SEC31B: variants seen among roughly 807,000 people sequenced by gnomAD.
SEC31B encodes protein transport protein Sec31B.
In SEC31B, 113 loss-of-function variants were observed where a neutral mutation model predicts 135.0. The ratio of observed to expected loss-of-function variants is 0.84; its 90% confidence interval spans 0.72 to 0.98. The LOEUF (loss-of-function observed/expected upper bound fraction) is 0.98, where lower values mean the gene tolerates loss of function less well. SEC31B is among the 50% of genes least tolerant of loss of function. The pLI is 0.00. For synonymous variants in SEC31B, 508 were observed against 549.4 expected, an observed-to-expected ratio of 0.92 and a Z score of 1.05; for missense variants, 1,296 against 1,421.1, an observed-to-expected ratio of 0.91 and a Z score of 1.42.
Position 100,509,416 on chromosome 10 carries a change from T to C in SEC31B, c.299A>G (p.Tyr100Cys), listed in dbSNP as rs7074707. 2,356 of 1,614,128 alleles carry C rather than the reference T, an allele frequency of 1.5e-3. 34 individuals carry two copies. The African/African-American group carries it at 0.026, about 18-fold the overall frequency. ...GGGDNGMLILYNVTHILSSGK... is the reference protein window; with the variant it reads ...GGGDNGMLILCNVTHILSSGK... ...CGAAGACAGGATGTGGGTCACATTG[T>C]ATAGAATAAGCATGCCATTGTCCCC... Residue 100 changes from tyrosine to cysteine, a missense_variant, in exon 4 of 26, where the codon TAC becomes TGC. By Grantham distance (194) the Tyr-to-Cys change is radical. Coordinates refer to ENST00000370345, the MANE Select transcript of SEC31B (RefSeq NM_015490.4).
In SEC31B at chr10:100,496,274, G is replaced by A. The variant is rs765043142; in HGVS notation, c.2294C>T (p.Pro765Leu). 7.4e-6 allele frequency: 12 copies of A among 1,614,130 alleles called. No individual in the cohort carries two copies. The highest frequency in any genetic ancestry group is 1.0e-5 in the Non-Finnish European group (12 of 1,179,988). ...GSLATAMSFL[P>L]RDCAQPPVQQ... Reference sequence around the variant, plus strand: ...CCCACTTACCTGAGCACAGTCCCTGGGTAGAAAGCTCATGGCAGTGGCCAG... The same window carrying A: ...CCCACTTACCTGAGCACAGTCCCTGAGTAGAAAGCTCATGGCAGTGGCCAG... The change falls in exon 18 of 26, where the codon CCC (proline) becomes CTC (leucine). Residue 765 changes from proline to leucine, a missense_variant. Pro to Leu is a moderately conservative substitution (Grantham distance 98, BLOSUM62 -3). Transcript: ENST00000370345.
In SEC31B at chr10:100,498,714, T is replaced by A; in HGVS notation, c.1675A>T (p.Ile559Phe). 1 of 1,612,176 alleles carries A rather than the reference T, an allele frequency of 6.2e-7. No individual in the cohort carries two copies. The highest frequency in any genetic ancestry group is 8.5e-7 in the Non-Finnish European group (1 of 1,178,420). ...PQNMTPWEIP[I>F]TKDIDGLLSQ... ...CTCAGGGTCAGGGTACCTTTTGTGA[T>A]GGGGATCTCCCAAGGAGTCATGTTC... Residue 559 changes from isoleucine (I) to phenylalanine (F), a missense_variant, in exon 14 of 26, where the codon ATC (isoleucine) becomes TTC (phenylalanine). Transcript: ENST00000370345.
At chr10:100,491,828 C>A (rs1375744585) in intron 19 of SEC31B, among the ~76,000 whole-genome samples, 1 of 152,214 alleles carries the variant, frequency 6.6e-6, no homozygotes, top group Non-Finnish European at 1.5e-5. Flanking sequence ...GAGGGCTCTG[C>A]CCTCATTAAT....
In SEC31B at chr10:100,508,040, C is replaced by T; in HGVS notation, c.507G>A (p.Glu169=). The part of the protein sequence containing the change: ...TLGSKSQQPP[E]DIKALSWNRQ... ...GGTTCCAAGACAGTGCCTTGATGTC[C>T]TCTGGAGGCTGCTAAGGCAGGATGG... The change falls in exon 6 of 26, where the codon GAG becomes GAA. Residue 169 remains glutamate, a synonymous_variant. Coordinates refer to ENST00000370345, the MANE Select transcript of SEC31B (RefSeq NM_015490.4). 1.2e-6 allele frequency: 2 copies of T among 1,614,216 alleles called. No homozygotes were observed. Among genetic ancestry groups the T allele is most frequent in the Non-Finnish European group, 1.7e-6 (2 of 1,180,046 alleles).
intron 17 of SEC31B, among the ~76,000 whole-genome samples, chr10:100,496,904 C>T (rs1198263129): frequency 2.6e-5 from 4 of 152,188 alleles, no homozygotes; most frequent in African/African-American, 9.7e-5. Context: ...TCTGTAAAAC[C>T]AAACCTGAAA....
chr10:100,501,192 C>T (rs1412779988), intron 11 of SEC31B, among the ~76,000 whole-genome samples: 1 of 152,062 alleles, frequency 6.6e-6, no homozygotes, highest in African/African-American at 2.4e-5. Context: ...TTGCAGTAAG[C>T]CAAGATCATG....
chr10:100,490,877 T>C lies in SEC31B; in HGVS notation c.2479A>G (p.Thr827Ala). The change falls in exon 20 of 26, where the codon ACT becomes GCT. Residue 827 changes from threonine (T) to alanine (A), a missense_variant. Physicochemically the swap from Thr to Ala is moderately conservative, Grantham distance 58. Transcript: ENST00000370345. ...LGSQPSHQVP[T>A]PSPRPRVFTP... is the part of the protein sequence containing the mutation. ...AAAACCCTTGGCCTTGGAGATGGAG[T>C]TGGGACCTATGAAGAGAAAAAAACA... The C allele has an allele frequency of 6.8e-7, 1 of 1,479,980 alleles. No individual in the cohort carries two copies. The highest frequency in any genetic ancestry group is 9.1e-7 in the Non-Finnish European group (1 of 1,100,338). 91.7% of individuals were successfully genotyped at this position (1,479,980 alleles called of 1,614,324 possible).
intron 11 of SEC31B, chr10:100,500,303 A>G: frequency 2.6e-6 from 1 of 390,826 alleles, no homozygotes. Flanking sequence ...TAGTCTTGTG[A>G]GTCTAAATGT....
chr10:100,497,676 C>A lies in SEC31B; in HGVS notation c.1981G>T (p.Glu661Ter). The change falls in exon 16 of 26, where the codon GAG becomes TAG. Residue 661 changes from glutamate (E) to a stop codon, truncating the protein, a stop_gained. Coordinates refer to ENST00000370345, the MANE Select transcript of SEC31B (RefSeq NM_015490.4). LOFTEE classifies it high-confidence loss of function. ...LTYSGTEKFP[E>*]LCDMLGTRME... Reference sequence around the variant, plus strand: ...CTGGGACCACACTTACCACAGAGCTCGGGAAATTTCTCTGTGCCTGAGTAT... The same window carrying A: ...CTGGGACCACACTTACCACAGAGCTAGGGAAATTTCTCTGTGCCTGAGTAT... 1.2e-6 allele frequency: 2 copies of A among 1,614,176 alleles called. No homozygotes were observed.
rs1350970437 is a variant in SEC31B, at chr10:100,489,760, T to C, written c.2967A>G (p.Gly989=). 1.9e-6 allele frequency: 3 copies of C among 1,613,784 alleles called. No homozygotes were observed. Among genetic ancestry groups the C allele is most frequent in the African/African-American group, 2.7e-5 (2 of 74,918 alleles). Residue 989 remains glycine, a splice_region_variant and synonymous_variant, in exon 22 of 26, where the codon GGA becomes GGG. Transcript: ENST00000370345. The part of the protein sequence containing the change: ...PTTGILTPHP[G]PQDSWKEAPA... ...GGGCTTCTTTCCAGGAATCTTGAGG[T>C]CCTATAGAATAAAAAGATAGAGGTT...
chr10:100,490,465 CT>C (rs1407588385), intron 20 of SEC31B, 143 bp from the exon 21 acceptor site: 1 of 1,003,476 alleles, frequency 1.0e-6, no homozygotes, highest in Non-Finnish European at 1.4e-6. Context: ...TTACAAAATA[CT>C]TTTAACTATA....
intron 3 of SEC31B, among the ~76,000 whole-genome samples, chr10:100,510,791 A>G (rs760887130): frequency 6.6e-6 from 1 of 152,268 alleles, no homozygotes; most frequent in Non-Finnish European, 1.5e-5. Flanking sequence ...CAGCAGAGCC[A>G]ACACAATGCT....
chr10:100,507,803 C>A, intron 6 of SEC31B, 105 bp downstream of exon 6: 1 of 1,502,902 alleles, frequency 6.7e-7, no homozygotes, highest in Non-Finnish European at 9.2e-7. Context: ...CTCCACATGT[C>A]CGACAGCTGA....
At chr10:100,497,508 A>T in intron 16 of SEC31B, 159 bp downstream of exon 16, 1 of 1,509,482 alleles carries the variant, frequency 6.6e-7, no homozygotes, top group Non-Finnish European at 8.9e-7. Context: ...AGGGGCATGC[A>T]CTGTGGTCCC....
chr10:100,506,287 C>G, intron 8 of SEC31B, 34 bp downstream of exon 8: 2 of 1,614,094 alleles, frequency 1.2e-6, no homozygotes, highest in African/African-American at 2.7e-5. Context: ...CCTCTCTCTC[C>G]CATCCCAGCA....
At chr10:100,500,280 G>A (rs1008195847) in intron 11 of SEC31B, 5 of 444,406 alleles carry the variant, frequency 1.1e-5, no homozygotes, top group African/African-American at 1.0e-4. Flanking sequence ...CTGCTGCCAA[G>A]TGTAGCCTAC....
chr10:100,515,921 G>A (rs910081586), intron 3 of SEC31B, among the ~76,000 whole-genome samples, 175 bp downstream of exon 3: 2 of 151,920 alleles, frequency 1.3e-5, no homozygotes, highest in Non-Finnish European at 2.9e-5. Context: ...GAAAGGGGGG[G>A]GGTGGTTGTT....
intron 5 of SEC31B, chr10:100,508,339 CA>C (rs1327986402): frequency 3.7e-6 from 2 of 535,926 alleles, no homozygotes; most frequent in South Asian, 1.7e-5. Flanking sequence ...TTGTCTAGGA[CA>C]AAAAAAGAGG....
chr10:100,505,646 T>C, intron 9 of SEC31B, 151 bp from the exon 10 acceptor site: 1 of 1,430,652 alleles, frequency 7.0e-7, no homozygotes, highest in South Asian at 1.5e-5. Context: ...GGGAAGTGAG[T>C]GGTAGCGAGG....
Sources: allele counts gnomAD v4.1 joint callset (sites outside exome capture counted in the v4.1 genomes callset), GRCh38; gene constraint gnomAD v4.1.1; transcripts MANE v1.5; gene names NCBI Gene and HGNC (gene_info 2026-07-23, HGNC 2026-07-21).